The following JCAD variants were observed in gnomAD, a reference collection of about 807,000 sequenced individuals.
JCAD encodes the protein junctional cadherin 5 associated, also known as junctional cadherin 5-associated protein.
Under a neutral mutation model 98.0 loss-of-function variants are expected in JCAD, and 40 were observed. The observed-to-expected ratio is 0.41, with a 90% CI of 0.32 to 0.53. The LOEUF is 0.53. Ranked by LOEUF, JCAD falls within the 20% of genes least tolerant of loss-of-function variation. The pLI is 0.31. For missense variants in JCAD, 1,705 were observed against 1,738.1 expected (o/e 0.98, Z 0.34); for synonymous variants, 691 against 682.3 (o/e 1.01, Z -0.20).
rs773638687 is a variant in JCAD at position 30,029,269 on chromosome 10, G to A, written c.879C>T (p.Leu293=). Residue 293 remains leucine, a synonymous_variant, in exon 3 of 4, where the codon CTC becomes CTT. Transcript: ENST00000375377. ...PFPRPKFGRP[L]KPPSYSSHQQ... Reference sequence around the variant, plus strand: ...GGTGCGAGCTGTAAGATGGGGGCTTGAGGGGCCTCCCAAACTTAGGCCGGG... The same window carrying A: ...GGTGCGAGCTGTAAGATGGGGGCTTAAGGGGCCTCCCAAACTTAGGCCGGG... 1 of 1,614,066 alleles carries A rather than the reference G, an allele frequency of 6.2e-7. No individual in the cohort carries two copies. Among genetic ancestry groups the A allele is most frequent in the African/African-American group, 1.3e-5 (1 of 74,918 alleles).
At chr10:30,082,950 C>T (rs1838112280) in intron 1 of JCAD, among the ~76,000 whole-genome samples, 1 of 150,534 alleles carries the variant, frequency 6.6e-6, no homozygotes, top group African/African-American at 2.4e-5. Context: ...AGGAGAATCA[C>T]TTGAACCCAG....
intron 2 of JCAD, chr10:30,044,674 T>TG (rs201064615): frequency 3.0e-4 from 64 of 212,664 alleles, no homozygotes; most frequent in East Asian, 4.2e-4. Context: ...ATAGCAGTAT[T>TG]GGCTTTTTTT....
chr10:30,047,504 A>G (rs1344604088), intron 2 of JCAD, 28 bp downstream of exon 2: 3 of 1,591,180 alleles, frequency 1.9e-6, no homozygotes, highest in Non-Finnish European at 1.7e-6. Flanking sequence ...GAGTCAAAAG[A>G]AAACGGTGGG....
At chr10:30,029,902 A>G (rs1836955809) in intron 2 of JCAD, 36 bp from the exon 3 acceptor site, 4 of 1,575,768 alleles carry the variant, frequency 2.5e-6, no homozygotes, top group Non-Finnish European at 3.4e-6. Flanking sequence ...TAGGCACAGA[A>G]GAAACATGTC....
At chr10:30,089,420 T>G (rs192162375) in intron 1 of JCAD, among the ~76,000 whole-genome samples, 1 of 152,082 alleles carries the variant, frequency 6.6e-6, no homozygotes, top group Non-Finnish European at 1.5e-5. Flanking sequence ...GCTGCCCCAT[T>G]TGGCAGTCAC....
At chr10:30,099,040 C>T (rs940926204) in intron 1 of JCAD, among the ~76,000 whole-genome samples, 37 of 152,152 alleles carry the variant, frequency 2.4e-4, no homozygotes, top group African/African-American at 8.9e-4. Context: ...GCTGCATTAT[C>T]TTTTGAAATT....
chr10:30,053,156 G>A (rs1428091025), intron 1 of JCAD, among the ~76,000 whole-genome samples: 1 of 151,858 alleles, frequency 6.6e-6, no homozygotes, highest in African/African-American at 2.4e-5. Flanking sequence ...AGCAATGCTT[G>A]TTGTTGGTAA....
At position 30,029,464 on chromosome 10, in the gene JCAD, C is replaced by T; in HGVS notation, c.684G>A (p.Lys228=). Residue 228 remains lysine (K), a synonymous_variant, in exon 3 of 4, where the codon AAG becomes AAA. Transcript: ENST00000375377. ...AAAGAACTCTAGGCAGTGAGCGAGA[C>T]TTCCCTTTGTTTTGAGAATTCAACA... ...EHVLNSQNKG[K]SRSLPRVLSP... The T allele has an allele frequency of 1.2e-6, 2 of 1,614,198 alleles. No individual in the cohort carries two copies. Among genetic ancestry groups the T allele is most frequent in the Non-Finnish European group, 1.7e-6 (2 of 1,180,030 alleles).
At chr10:30,092,360 C>T (rs1397876856) in intron 1 of JCAD, among the ~76,000 whole-genome samples, 6 of 151,782 alleles carry the variant, frequency 4.0e-5, no homozygotes, top group Non-Finnish European at 7.4e-5. Flanking sequence ...TGGTGTGTAA[C>T]TCCAGCTCCT....
Position 30,017,814 on chromosome 10 carries a change from T to C in JCAD, c.*69A>G, listed in dbSNP as rs1046988683. The C allele has an allele frequency of 8.4e-6, 12 of 1,420,418 alleles. No homozygotes were observed. Among genetic ancestry groups the C allele is most frequent in the African/African-American group, 4.2e-5 (3 of 71,828 alleles). The allele number at this position is 1,420,418 out of a possible 1,614,324, so 88.0% of individuals were successfully genotyped here. On this transcript the variant is annotated 3_prime_UTR_variant, in exon 4 of 4. Coordinates refer to ENST00000375377, the MANE Select transcript of JCAD (RefSeq NM_020848.4). Reference sequence around the variant, plus strand: ...CTTCTACATGGGGAAGTGGGGCTGATAGACTAAATCTACCAGCTACTTGAG... The same window carrying C: ...CTTCTACATGGGGAAGTGGGGCTGACAGACTAAATCTACCAGCTACTTGAG...
chr10:30,026,189 A>G lies in JCAD; in HGVS notation c.3959T>C (p.Val1320Ala), dbSNP rs374389088. Reference protein sequence around the residue: ...RAQRLGHSLSVSKDSISREEK... With the variant: ...RAQRLGHSLSASKDSISREEK... Reference sequence around the variant, plus strand: ...TTCCCTGGAGATGCTGTCCTTGGACACAGAGAGTGAGTGGCCCAATCTCTG... The same window carrying G: ...TTCCCTGGAGATGCTGTCCTTGGACGCAGAGAGTGAGTGGCCCAATCTCTG... Residue 1320 changes from valine to alanine, a missense_variant, in exon 3 of 4, where the codon GTG becomes GCG. Around this residue, in one of 3 missense-constraint regions of JCAD, gnomAD observed 1,278 missense variants for 1,243.1 expected, o/e 1.03. Transcript: ENST00000375377. 3.6e-5 allele frequency: 58 copies of G among 1,614,172 alleles called. No individual in the cohort carries two copies. The African/African-American group carries it at 6.1e-4, about 17-fold the overall frequency.
At chr10:30,062,995 T>C (rs1417880157), upstream of JCAD, among the ~76,000 whole-genome samples, 2 of 152,080 alleles carry the variant, frequency 1.3e-5, no homozygotes, top group Non-Finnish European at 2.9e-5. Flanking sequence ...CTGGGCCAGT[T>C]TCCACACCGG....
At chr10:30,075,201 G>A (rs1248439041) in intron 1 of JCAD, among the ~76,000 whole-genome samples, 2 of 152,172 alleles carry the variant, frequency 1.3e-5, no homozygotes, top group Non-Finnish European at 2.9e-5. Flanking sequence ...AAAAGGCCTT[G>A]GAATCTGAAT....
At position 30,028,296 on chromosome 10, in the gene JCAD, C is replaced by A; in HGVS notation, c.1852G>T (p.Ala618Ser). 6.2e-7 allele frequency: 1 copy of A among 1,614,218 alleles called. No homozygotes were observed. ...CTCAGCAGACTCTGTTCTTGCAGAG[C>A]CGGGCTCTTATCAGACCCATTCTTT... is the stretch of plus-strand genomic sequence containing the variant. Reference protein sequence around the residue: ...DQKNGSDKSPALQEQSLLSMS... With the variant: ...DQKNGSDKSPSLQEQSLLSMS... Residue 618 changes from alanine (A) to serine (S), a missense_variant, in exon 3 of 4, where the codon GCT becomes TCT. Coordinates refer to ENST00000375377, the MANE Select transcript of JCAD (RefSeq NM_020848.4).
intron 2 of JCAD, among the ~76,000 whole-genome samples, chr10:30,033,655 G>C (rs902250868): frequency 6.6e-6 from 1 of 152,100 alleles, no homozygotes; most frequent in Non-Finnish European, 1.5e-5. Flanking sequence ...TTGTGGTTTC[G>C]AATGATTCCA....
At chr10:30,102,207 C>T (rs959866171) in intron 1 of JCAD, among the ~76,000 whole-genome samples, 2 of 152,126 alleles carry the variant, frequency 1.3e-5, no homozygotes, top group African/African-American at 2.4e-5. Context: ...CTTGCTCTGT[C>T]GCCCAGGCTG....
At chr10:30,021,411 G>T (rs984997463) in intron 3 of JCAD, among the ~76,000 whole-genome samples, 21 of 152,050 alleles carry the variant, frequency 1.4e-4, no homozygotes, top group African/African-American at 5.1e-4. Flanking sequence ...TGTTGCCCAG[G>T]CTGGTTTTGG....
In JCAD at chr10:30,014,002, A is replaced by C. The variant is rs1411692926; in HGVS notation, c.*3881T>G. 6.6e-6 allele frequency: 1 copy of C among 151,922 alleles called. No individual in the cohort carries two copies. The highest frequency in any genetic ancestry group is 1.5e-5 in the Non-Finnish European group (1 of 67,964). 9.4% of individuals were successfully genotyped at this position (151,922 alleles called of 1,614,324 possible). A position where few individuals can be genotyped will look rare whatever the true frequency, so the allele number is the denominator to read the frequency against. On this transcript the variant is annotated 3_prime_UTR_variant, in exon 4 of 4. Transcript: ENST00000375377. ...TTATGGTCTTAATGACTCCCTTTTT[A>C]TTTCTTTCCAACAAAACCTGCAGGC...
At chr10:30,092,725 AC>A (rs34031807) in intron 1 of JCAD, among the ~76,000 whole-genome samples, 1 of 151,782 alleles carries the variant, frequency 6.6e-6, no homozygotes, top group East Asian at 1.9e-4. Flanking sequence ...TCTTTGAACA[AC>A]CCCCCAAACC....
Sources: gnomAD v4.1 joint callset for allele counts (sites outside exome capture counted in the v4.1 genomes callset) on GRCh38, gnomAD v4.1.1 for gene constraint, gnomAD v4.1.1 regional missense constraint, MANE v1.5 for transcripts, NCBI Gene and HGNC (gene_info 2026-07-23, HGNC 2026-07-21) for gene names.